ATXN1: variants seen among roughly 807,000 people sequenced by gnomAD.
ATXN1 encodes ataxin 1.
ATXN1 carries 8 observed loss-of-function variants against 56.4 expected under a neutral mutation model. The ratio of observed to expected loss-of-function variants is 0.14; its 90% CI spans 0.08 to 0.26. ATXN1 has a LOEUF of 0.26. ATXN1 is among the 10% of genes least tolerant of loss of function. ATXN1 has a pLI of 1.00. For missense variants in ATXN1, 987 were observed against 1,106.5 expected (o/e 0.89, Z 1.53); for synonymous variants, 514 against 494.6 (o/e 1.04, Z -0.52).
chr6:16,637,328 G>A (rs1175231781), intron 3 of ATXN1, among the ~76,000 whole-genome samples: 9 of 142,408 alleles, frequency 6.3e-5, no homozygotes, highest in East Asian at 4.3e-4. Context: ...GGGGAACATC[G>A]CACACCGGGG....
chr6:16,521,736 C>T lies in ATXN1; in HGVS notation c.-299+891G>A, dbSNP rs1016632877. ...GCACACACCTGCAGGTGTACCATGA[C>T]TTCTAGCTGCAAAGCAGATGTACCA... On this transcript the variant is annotated intron_variant, in intron 5 of 7. Coordinates refer to ENST00000436367, the MANE Select transcript of ATXN1 (RefSeq NM_001128164.2). Among the ~76,000 whole-genome samples the T allele has an allele frequency of 1.3e-5, 2 of 152,196 alleles. 1 individual carries two copies. The highest frequency in any genetic ancestry group is 1.3e-4 in the Admixed American group (2 of 15,286).
At chr6:16,552,270 C>G (rs977367218) in intron 4 of ATXN1, among the ~76,000 whole-genome samples, 1 of 152,196 alleles carries the variant, frequency 6.6e-6, no homozygotes, top group African/African-American at 2.4e-5. Context: ...TTCTAACCAG[C>G]TCACTCTATG....
Position 16,326,792 on chromosome 6 carries a change from C to A in ATXN1, c.1519G>T (p.Ala507Ser). 6.2e-7 allele frequency: 1 copy of A among 1,609,970 alleles called. No homozygotes were observed. The highest frequency in any genetic ancestry group is 8.5e-7 in the Non-Finnish European group (1 of 1,177,222). ...AACTGGGGGGATGACGTGACTATGG[C>A]CGGGGCTGCCCCCGACGCTTCCATG... ...TDMEASGAAP[A>S]IVTSSPQFAA... The change falls in exon 7 of 8, where the codon GCC (alanine) becomes TCC (serine). Residue 507 changes from alanine (A) to serine (S), a missense_variant. By Grantham distance (99) the Ala-to-Ser change is moderately conservative. Around this residue, in one of 3 missense-constraint regions of ATXN1, gnomAD observed 723 missense variants for 791.7 expected, o/e 0.91. Transcript: ENST00000436367. The surrounding 1 kb of genome is among the most constrained non-coding windows in gnomAD (Gnocchi z 6.6).
intron 5 of ATXN1, among the ~76,000 whole-genome samples, chr6:16,504,843 A>G (rs1038524221): frequency 2.6e-5 from 4 of 152,064 alleles, no homozygotes; most frequent in Admixed American, 6.6e-5. Context: ...CCAACATTCA[A>G]CCAGCTCTCT....
At chr6:16,569,914 G>A (rs1021299661) in intron 4 of ATXN1, among the ~76,000 whole-genome samples, 8 of 152,016 alleles carry the variant, frequency 5.3e-5, no homozygotes, top group Non-Finnish European at 1.0e-4. Flanking sequence ...AGATCCTTAG[G>A]GTCTCCCAAC....
At chr6:16,329,945 T>C (rs953284988) in intron 6 of ATXN1, among the ~76,000 whole-genome samples, 7 of 152,234 alleles carry the variant, frequency 4.6e-5, no homozygotes, top group African/African-American at 1.7e-4. Context: ...CTTCCACAGG[T>C]AGCAGCTGTA....
chr6:16,351,184 T>G (rs1433749208), intron 6 of ATXN1, among the ~76,000 whole-genome samples: 2 of 152,176 alleles, frequency 1.3e-5, no homozygotes, highest in African/African-American at 4.8e-5. Flanking sequence ...TAGAAAAAAC[T>G]TCTCTTATTC....
chr6:16,589,282 A>G (rs1425380902), intron 3 of ATXN1, among the ~76,000 whole-genome samples: 1 of 152,078 alleles, frequency 6.6e-6, no homozygotes, highest in Admixed American at 6.6e-5. Context: ...ACCACAACCT[A>G]AGTCCCTTAA....
chr6:16,416,228 T>C (rs1402184728), intron 6 of ATXN1, among the ~76,000 whole-genome samples: 1 of 152,208 alleles, frequency 6.6e-6, no homozygotes, highest in East Asian at 1.9e-4. Flanking sequence ...ATAATTTATA[T>C]GGCTATGTAT....
At chr6:16,347,076 C>T (rs1761424291) in intron 6 of ATXN1, among the ~76,000 whole-genome samples, 1 of 152,240 alleles carries the variant, frequency 6.6e-6, no homozygotes, top group Non-Finnish European at 1.5e-5. Flanking sequence ...TGCCTTCTGG[C>T]GGGCAGGGCT....
At chr6:16,484,146 G>A (rs1173001600) in intron 6 of ATXN1, among the ~76,000 whole-genome samples, 1 of 152,160 alleles carries the variant, frequency 6.6e-6, no homozygotes, top group African/African-American at 2.4e-5. Context: ...TAAAAAGGTA[G>A]TATGGGCTGG....
chr6:16,407,581 A>G (rs886263356), intron 6 of ATXN1, among the ~76,000 whole-genome samples: 3 of 152,212 alleles, frequency 2.0e-5, no homozygotes, highest in African/African-American at 7.2e-5. Flanking sequence ...ATTAAAAGGT[A>G]CTTATTTAGT....
In ATXN1 at chr6:16,491,277, A is replaced by ATTT. The variant is rs57395401; in HGVS notation, c.-298-5171_-298-5169dup. On this transcript the variant is annotated intron_variant, in intron 5 of 7. Transcript: ENST00000436367. ...CTGGCTAATTATTATTATTATTATTATTTTTTTTTTTTTTTTTTTTTTTTG... is the reference window on the plus strand; with the variant it reads ...CTGGCTAATTATTATTATTATTATTATTTTTTTTTTTTTTTTTTTTTTTTTTTG... Among the ~76,000 whole-genome samples, 190 of 132,126 alleles carry ATTT rather than the reference A, an allele frequency of 1.4e-3. 1 individual carries two copies. The highest frequency in any genetic ancestry group is 4.4e-3 in the African/African-American group (150 of 34,146). 86.7% of individuals were successfully genotyped at this position (132,126 alleles called of 152,430 possible).
intron 3 of ATXN1, among the ~76,000 whole-genome samples, chr6:16,649,829 T>C (rs1763863264): frequency 6.6e-6 from 1 of 152,206 alleles, no homozygotes; most frequent in Admixed American, 6.5e-5. Flanking sequence ...GGCTTAACAC[T>C]TGGAATACAA....
chr6:16,636,745 A>T (rs981665184), intron 3 of ATXN1, among the ~76,000 whole-genome samples: 4 of 152,226 alleles, frequency 2.6e-5, no homozygotes, highest in Admixed American at 2.6e-4. Context: ...TGCTGTTTCA[A>T]CAGGAAATGT....
rs148530094 is a variant in ATXN1 at position 16,578,310 on chromosome 6, C to A, written c.-361+7470G>T. Among the ~76,000 whole-genome samples the A allele has an allele frequency of 1.2e-4, 18 of 152,284 alleles. No individual in the cohort carries two copies. In the East Asian group the frequency reaches 3.5e-3, roughly 29 times the overall value. On this transcript the variant is annotated intron_variant, in intron 4 of 7. Transcript: ENST00000436367. ...ATCTGAGGATTTCTAACTATGTTGA[C>A]AAATCTTCCTTTTGCTTTTTAAAAA...
chr6:16,639,661 G>A (rs12203546), intron 3 of ATXN1, among the ~76,000 whole-genome samples: 60,115 of 152,096 alleles, frequency 0.4, 12,590 homozygotes, highest in African/African-American at 0.53. Flanking sequence ...GGCCAGGGAA[G>A]TGCAGCTTCA....
intron 5 of ATXN1, among the ~76,000 whole-genome samples, chr6:16,496,465 G>A (rs749207896): frequency 2.6e-5 from 4 of 152,124 alleles, no homozygotes; most frequent in Non-Finnish European, 5.9e-5. Context: ...CAGATCCATC[G>A]TGTGGAGGGA....
chr6:16,393,389 C>T (rs1006500604), intron 6 of ATXN1, among the ~76,000 whole-genome samples: 21 of 152,146 alleles, frequency 1.4e-4, no homozygotes, highest in Admixed American at 2.0e-4. Flanking sequence ...GATGTACAAC[C>T]ATACCCGGCT....
Sources: gnomAD v4.1 joint callset for allele counts (sites outside exome capture counted in the v4.1 genomes callset) on GRCh38, gnomAD v4.1.1 for gene constraint, gnomAD v4.1.1 regional missense constraint, Gnocchi (gnomAD v3.1) non-coding constraint, MANE v1.5 for transcripts, NCBI Gene and HGNC (gene_info 2026-07-23, HGNC 2026-07-21) for gene names.